The following FMNL2 variants were observed in gnomAD, a reference collection of about 807,000 sequenced individuals.
The protein encoded by FMNL2 is formin like 2.
FMNL2 carries 51 observed loss-of-function variants against 130.2 expected under a neutral mutation model. That is an observed-to-expected ratio of 0.39 (90% CI 0.31 to 0.49). The LOEUF is 0.49. FMNL2 is among the 20% of genes least tolerant of loss of function. The probability of loss-of-function intolerance (pLI) is 0.85; values close to 1 mark genes in which losing one functional copy is unlikely to be tolerated. For synonymous variants in FMNL2, 465 were observed against 467.1 expected, an observed-to-expected ratio of 1.00 and a Z score of 0.06; for missense variants, 977 against 1,316.2, an observed-to-expected ratio of 0.74 and a Z score of 3.99.
At chr2:152,537,554 GGGTACATCCTGTAGAGT>G (rs1694060356) in intron 2 of FMNL2, among the ~76,000 whole-genome samples, 1 of 152,124 alleles carries the variant, frequency 6.6e-6, no homozygotes, top group Non-Finnish European at 1.5e-5. Context: ...GAACCTGCTG[GGGTACATCCTGTAGAGT>G]GTGCTTATAG....
intron 9 of FMNL2, among the ~76,000 whole-genome samples, chr2:152,587,621 C>T (rs965744218): frequency 1.3e-5 from 2 of 152,084 alleles, no homozygotes; most frequent in Non-Finnish European, 2.9e-5. Context: ...GAGAAAGGAG[C>T]CATTTTCATA....
At chr2:152,641,843 C>G (rs534918710) in intron 25 of FMNL2, among the ~76,000 whole-genome samples, 5 of 152,252 alleles carry the variant, frequency 3.3e-5, no homozygotes, top group South Asian at 4.1e-4. Context: ...ACACCATTAT[C>G]ACATCTAAGA....
At chr2:152,375,670 C>G (rs1290048068) in intron 1 of FMNL2, among the ~76,000 whole-genome samples, 1 of 151,764 alleles carries the variant, frequency 6.6e-6, no homozygotes, top group Non-Finnish European at 1.5e-5. Context: ...ACAGTGAAAT[C>G]TGCAGCTGAA....
intron 1 of FMNL2, among the ~76,000 whole-genome samples, chr2:152,374,298 A>G (rs1305037562): frequency 1.3e-5 from 2 of 152,136 alleles, no homozygotes; most frequent in Non-Finnish European, 2.9e-5. Context: ...AAAGGGAGAT[A>G]TGAACTATCC....
At chr2:152,349,754 C>G (rs1401506766) in intron 1 of FMNL2, among the ~76,000 whole-genome samples, 1 of 151,058 alleles carries the variant, frequency 6.6e-6, no homozygotes, top group Non-Finnish European at 1.5e-5. Flanking sequence ...TTTCTGAATT[C>G]TGAGTGTTCA....
At chr2:152,395,220 G>T (rs1685327261) in intron 1 of FMNL2, among the ~76,000 whole-genome samples, 2 of 152,220 alleles carry the variant, frequency 1.3e-5, no homozygotes. Flanking sequence ...AACTGGAAAT[G>T]TCTGTATATT....
At chr2:152,532,470 T>A (rs1009595589) in intron 2 of FMNL2, among the ~76,000 whole-genome samples, 1 of 152,224 alleles carries the variant, frequency 6.6e-6, no homozygotes, top group Non-Finnish European at 1.5e-5. Flanking sequence ...CATATGGCAG[T>A]ATCTTACTGT....
chr2:152,641,115 C>T (rs1683048007), intron 25 of FMNL2, among the ~76,000 whole-genome samples: 1 of 152,156 alleles, frequency 6.6e-6, no homozygotes, highest in African/African-American at 2.4e-5. Context: ...GCATTGGAAC[C>T]CTGTAAGTTT....
chr2:152,485,488 G>A (rs1202474757), intron 1 of FMNL2, among the ~76,000 whole-genome samples: 1 of 152,164 alleles, frequency 6.6e-6, no homozygotes, highest in Non-Finnish European at 1.5e-5. Flanking sequence ...AGGAGGTTGA[G>A]CCGTGATTGT....
At chr2:152,382,126 ATGT>A (rs1472562552) in intron 1 of FMNL2, among the ~76,000 whole-genome samples, 1 of 152,184 alleles carries the variant, frequency 6.6e-6, no homozygotes, top group African/African-American at 2.4e-5. Context: ...GGTTTTAACC[ATGT>A]TGTTTCACTT....
At chr2:152,624,123 C>A in intron 15 of FMNL2, among the ~76,000 whole-genome samples, 1 of 124,372 alleles carries the variant, frequency 8.0e-6, no homozygotes, top group East Asian at 2.8e-4. Context: ...CCCTTCCTTC[C>A]CATCTCAAAA....
chr2:152,641,013 C>G, intron 25 of FMNL2, 99 bp downstream of exon 25: 1 of 1,511,322 alleles, frequency 6.6e-7, no homozygotes, highest in Non-Finnish European at 9.0e-7. Context: ...CCAGGGTTGT[C>G]AAGTTCATTA....
At chr2:152,412,051 A>T (rs1686315679) in intron 1 of FMNL2, among the ~76,000 whole-genome samples, 1 of 152,114 alleles carries the variant, frequency 6.6e-6, no homozygotes, top group Admixed American at 6.5e-5. Flanking sequence ...TTTTGGGTTA[A>T]TCTCCCTCTC....
At chr2:152,365,947 T>A (rs62180761) in intron 1 of FMNL2, among the ~76,000 whole-genome samples, 111 of 152,140 alleles carry the variant, frequency 7.3e-4, no homozygotes, top group African/African-American at 2.6e-3. Context: ...GAGATTCTTA[T>A]GAAAACCATA....
In FMNL2 at chr2:152,637,554, AAAAT is replaced by A. The variant is rs146354981; in HGVS notation, c.2845-18_2845-15del. 1.1e-3 allele frequency: 1,747 copies of A among 1,610,166 alleles called. 16 individuals are homozygous for A. The African/African-American group carries it at 0.02, about 18-fold the overall frequency. On this transcript the variant is annotated splice_polypyrimidine_tract_variant and intron_variant, in intron 22 of 25. Transcript: ENST00000288670. ...AATGCCTAACTAATGAAACTCAAGA[AAAAT>A]TTGCTTCTTCACAGGATGCCTTTGA... is the stretch of plus-strand genomic sequence containing the variant.
intron 1 of FMNL2, among the ~76,000 whole-genome samples, chr2:152,409,334 A>T (rs1232076576): frequency 6.6e-6 from 1 of 152,230 alleles, no homozygotes; most frequent in Non-Finnish European, 1.5e-5. Flanking sequence ...TTAATTCTTT[A>T]TATAAGCAAT....
chr2:152,367,441 G>A (rs1374325547), intron 1 of FMNL2, among the ~76,000 whole-genome samples: 1 of 152,066 alleles, frequency 6.6e-6, no homozygotes, highest in Non-Finnish European at 1.5e-5. Context: ...CATTTAAGAG[G>A]GCCCTGTTTC....
At chr2:152,642,740 C>A (rs73016123) in intron 25 of FMNL2, among the ~76,000 whole-genome samples, 1 of 152,168 alleles carries the variant, frequency 6.6e-6, no homozygotes, top group African/African-American at 2.4e-5. Flanking sequence ...GGCGAGGTGG[C>A]CCATGCCTGT....
rs1423838165 is a variant in FMNL2 at position 152,636,375 on chromosome 2, T to A, written c.2681-52T>A. ...CTTGGCCCAGCAGCCAGATTCGCTG[T>A]GGTTGTGACTTCCCCATTGAGTTTC... On this transcript the variant is annotated intron_variant, in intron 21 of 25. Transcript: ENST00000288670. 3.9e-6 allele frequency: 6 copies of A among 1,557,100 alleles called. No homozygotes were observed. In the African/African-American group the frequency reaches 6.8e-5, roughly 18 times the overall value.
Sources: gnomAD v4.1 joint callset for allele counts (sites outside exome capture counted in the v4.1 genomes callset) on GRCh38, gnomAD v4.1.1 for gene constraint, MANE v1.5 for transcripts, NCBI Gene and HGNC (gene_info 2026-07-23, HGNC 2026-07-21) for gene names.